The following NDUFS4 variants were observed in gnomAD, a reference collection of about 807,000 sequenced individuals.
The protein encoded by NDUFS4 is NADH:ubiquinone oxidoreductase subunit S4, also known as NADH dehydrogenase [ubiquinone] iron-sulfur protein 4, mitochondrial.
A neutral mutation model predicts 24.3 loss-of-function variants in NDUFS4; 28 were observed. The observed-to-expected ratio is 1.15, with a 90% CI of 0.85 to 1.58. The LOEUF (loss-of-function observed/expected upper bound fraction) is 1.58. NDUFS4 is among the 40% of genes most tolerant of loss of function. The pLI, the probability that NDUFS4 is intolerant of heterozygous loss-of-function variation, is 0.00. For missense variants in NDUFS4, 223 were observed against 207.9 expected (o/e 1.07, Z -0.45); for synonymous variants, 93 against 69.7 (o/e 1.34, Z -1.67).
chr5:53,618,966 T>G (rs1240127037), intron 2 of NDUFS4, among the ~76,000 whole-genome samples: 3 of 151,006 alleles, frequency 2.0e-5, no homozygotes, highest in Admixed American at 2.0e-4. Context: ...TACAAAACAT[T>G]AGCTGGTCGT....
chr5:53,678,497 C>T (rs1422414803), intron 4 of NDUFS4, among the ~76,000 whole-genome samples: 3 of 152,118 alleles, frequency 2.0e-5, no homozygotes, highest in South Asian at 4.1e-4. Flanking sequence ...TCTTCTGTCG[C>T]ACAGCTGAGA....
chr5:53,560,917 A>G (rs1418999014), intron 1 of NDUFS4, among the ~76,000 whole-genome samples, 157 bp downstream of exon 1: 3 of 152,124 alleles, frequency 2.0e-5, no homozygotes, highest in East Asian at 3.9e-4. Context: ...TCTGCTATCA[A>G]TGGGCGTTGG....
At chr5:53,609,986 A>C (rs905770702) in intron 2 of NDUFS4, among the ~76,000 whole-genome samples, 19 of 152,198 alleles carry the variant, frequency 1.2e-4, no homozygotes, top group African/African-American at 4.1e-4. Context: ...CTGTCTCTTT[A>C]GCCTTCTTAT....
intron 2 of NDUFS4, among the ~76,000 whole-genome samples, chr5:53,623,686 T>A (rs1751127427): frequency 6.6e-6 from 1 of 152,168 alleles, no homozygotes; most frequent in African/African-American, 2.4e-5. Flanking sequence ...CAGTTTTAGC[T>A]CTTCCATTGA....
chr5:53,592,783 A>C (rs762606609), intron 1 of NDUFS4, among the ~76,000 whole-genome samples: 3 of 152,194 alleles, frequency 2.0e-5, no homozygotes, highest in Non-Finnish European at 4.4e-5. Context: ...TGCAGTGTGT[A>C]GTAAGTCTTA....
intron 4 of NDUFS4, among the ~76,000 whole-genome samples, chr5:53,674,023 C>T (rs1740374479): frequency 6.6e-6 from 1 of 152,126 alleles, no homozygotes; most frequent in African/African-American, 2.4e-5. Flanking sequence ...TGTCTTTTCT[C>T]ACCCATCACA....
chr5:53,572,310 A>G (rs916478963), intron 1 of NDUFS4, among the ~76,000 whole-genome samples: 1 of 152,178 alleles, frequency 6.6e-6, no homozygotes, highest in Non-Finnish European at 1.5e-5. Context: ...GGAAGGTTAG[A>G]TAATCCTAGA....
rs559345376 is a variant in NDUFS4 at position 53,651,647 on chromosome 5, C to T, written c.350+5242C>T. Among the ~76,000 whole-genome samples the T allele has an allele frequency of 1.4e-4, 22 of 151,818 alleles. 1 individual carries two copies. In the South Asian group the frequency reaches 4.6e-3, roughly 32 times the overall value. ...TGTTAATATTTTAATGTGTTTTTTG[C>T]TGTGGGTCAAAGAATGATTTTAGGA... On this transcript the variant is annotated intron_variant, in intron 3 of 4. Coordinates refer to ENST00000296684, the MANE Select transcript of NDUFS4 (RefSeq NM_002495.4).
chr5:53,680,439 A>G (rs1170700610), intron 4 of NDUFS4, among the ~76,000 whole-genome samples: 2 of 152,218 alleles, frequency 1.3e-5, no homozygotes, highest in Non-Finnish European at 2.9e-5. Flanking sequence ...CTTGGAACCA[A>G]TCCAGATGTC....
At chr5:53,637,205 G>A (rs1751582656) in intron 2 of NDUFS4, among the ~76,000 whole-genome samples, 1 of 141,328 alleles carries the variant, frequency 7.1e-6, no homozygotes, top group Admixed American at 7.0e-5. Context: ...TCCTGTTTGA[G>A]GTCCCCAAGT....
At chr5:53,594,400 T>C (rs1195963203) in intron 1 of NDUFS4, among the ~76,000 whole-genome samples, 2 of 152,152 alleles carry the variant, frequency 1.3e-5, no homozygotes, top group Non-Finnish European at 2.9e-5. Flanking sequence ...TCCATCCCTT[T>C]ACTTTTAGTC....
chr5:53,607,064 C>CG (rs1750539998), intron 2 of NDUFS4, among the ~76,000 whole-genome samples: 1 of 152,120 alleles, frequency 6.6e-6, no homozygotes, highest in Non-Finnish European at 1.5e-5. Flanking sequence ...ATTTAATCCA[C>CG]AATACAGAAG....
chr5:53,649,123 A>G (rs1323297138), intron 3 of NDUFS4, among the ~76,000 whole-genome samples: 50 of 152,360 alleles, frequency 3.3e-4, no homozygotes, highest in Non-Finnish European at 7.3e-5. Flanking sequence ...GTTTGTTTTC[A>G]TAATAAAGTG....
chr5:53,601,495 A>G (rs958465338), intron 1 of NDUFS4, among the ~76,000 whole-genome samples: 1 of 152,216 alleles, frequency 6.6e-6, no homozygotes, highest in Non-Finnish European at 1.5e-5. Context: ...TTTAAGTTAA[A>G]TCCCCTTTGT....
chr5:53,571,368 A>G (rs1579820344), intron 1 of NDUFS4, among the ~76,000 whole-genome samples: 3 of 152,350 alleles, frequency 2.0e-5, no homozygotes, highest in African/African-American at 7.2e-5. Flanking sequence ...AGCATGTACC[A>G]GTACTTTATT....
At chr5:53,655,035 A>G (rs1240672807) in intron 3 of NDUFS4, among the ~76,000 whole-genome samples, 1 of 152,210 alleles carries the variant, frequency 6.6e-6, no homozygotes, top group African/African-American at 2.4e-5. Flanking sequence ...ACTGATGTTC[A>G]TTAGTGTCTA....
intron 1 of NDUFS4, among the ~76,000 whole-genome samples, chr5:53,569,326 A>AT (rs937776692): frequency 6.6e-6 from 1 of 152,100 alleles, no homozygotes; most frequent in African/African-American, 2.4e-5. Context: ...TTTTGTTCAG[A>AT]TTTTGTATTC....
chr5:53,560,728 A>G lies in NDUFS4; in HGVS notation c.66A>G (p.Val22=). ...QTLWRRRAVA[V]AALSVSRVPT... ...TGTGGCGGAGAAGGGCAGTGGCTGT[A>G]GCTGCCCTTTCCGTTTCCAGGGTTC... Residue 22 remains valine, a synonymous_variant, in exon 1 of 5, where the codon GTA becomes GTG. Coordinates refer to ENST00000296684, the MANE Select transcript of NDUFS4 (RefSeq NM_002495.4). 6.2e-7 allele frequency: 1 copy of G among 1,614,228 alleles called. No individual in the cohort carries two copies. The highest frequency in any genetic ancestry group is 8.5e-7 in the Non-Finnish European group (1 of 1,180,040).
chr5:53,673,881 A>G (rs990444145), intron 4 of NDUFS4, among the ~76,000 whole-genome samples: 1 of 152,094 alleles, frequency 6.6e-6, no homozygotes, highest in Non-Finnish European at 1.5e-5. Flanking sequence ...TTATACTCCA[A>G]CTTCTCCAGG....
Sources: gnomAD v4.1 joint callset for allele counts (sites outside exome capture counted in the v4.1 genomes callset) on GRCh38, gnomAD v4.1.1 for gene constraint, MANE v1.5 for transcripts, NCBI Gene and HGNC (gene_info 2026-07-23, HGNC 2026-07-21) for gene names.